GLIPR1L2: variants seen among roughly 807,000 people sequenced by gnomAD.
GLIPR1L2 encodes GLIPR1 like 2.
GLIPR1L2 carries 21 observed loss-of-function variants against 28.4 expected under a neutral mutation model. The observed-to-expected ratio is 0.74, with a 90% CI of 0.52 to 1.06. The LOEUF is 1.06. Ranked by LOEUF, GLIPR1L2 falls within the 50% of genes least tolerant of loss-of-function variation. GLIPR1L2 has a pLI of 0.00. For missense variants in GLIPR1L2, 476 were observed against 416.9 expected (o/e 1.14, Z -1.23); for synonymous variants, 145 against 139.3 (o/e 1.04, Z -0.29).
intron 2 of GLIPR1L2, among the ~76,000 whole-genome samples, chr12:75,411,226 T>C (rs2045863662): frequency 6.6e-6 from 1 of 151,900 alleles, no homozygotes; most frequent in Admixed American, 6.6e-5. Context: ...TATTTATATG[T>C]CTGATACTAC....
At chr12:75,417,326 A>T (rs2045932850) in intron 3 of GLIPR1L2, among the ~76,000 whole-genome samples, 1 of 152,162 alleles carries the variant, frequency 6.6e-6, no homozygotes, top group Admixed American at 6.6e-5. Context: ...TAAGGCCACC[A>T]GAAGCTGGAA....
At chr12:75,400,444 C>G (rs1242874756) in intron 1 of GLIPR1L2, among the ~76,000 whole-genome samples, 1 of 152,114 alleles carries the variant, frequency 6.6e-6, no homozygotes, top group Non-Finnish European at 1.5e-5. Flanking sequence ...ATACTAACAA[C>G]ACAATATCTC....
intron 1 of GLIPR1L2, among the ~76,000 whole-genome samples, chr12:75,400,212 G>T (rs2045724632): frequency 6.6e-6 from 1 of 152,126 alleles, no homozygotes; most frequent in East Asian, 1.9e-4. Flanking sequence ...TCTGCCTCCT[G>T]GGTTCATGCC....
At chr12:75,424,817 G>A (rs1424594457) in intron 4 of GLIPR1L2, among the ~76,000 whole-genome samples, 2 of 152,048 alleles carry the variant, frequency 1.3e-5, no homozygotes, top group Admixed American at 1.3e-4. Flanking sequence ...TTCTGCTCTT[G>A]CTTCACTTGA....
At chr12:75,394,246 A>G (rs1339221494) in intron 1 of GLIPR1L2, among the ~76,000 whole-genome samples, 1 of 152,012 alleles carries the variant, frequency 6.6e-6, no homozygotes, top group Non-Finnish European at 1.5e-5. Flanking sequence ...TCCTTTGATA[A>G]ACAAAAGTTT....
chr12:75,430,061 A>G (rs2046076400), intron 4 of GLIPR1L2, among the ~76,000 whole-genome samples: 1 of 150,204 alleles, frequency 6.7e-6, no homozygotes, highest in Non-Finnish European at 1.5e-5. Flanking sequence ...TCAGCCTCCC[A>G]AGTAGCTGAG....
intron 1 of GLIPR1L2, among the ~76,000 whole-genome samples, chr12:75,401,138 T>A (rs1194228006): frequency 6.6e-6 from 1 of 151,532 alleles, no homozygotes; most frequent in Non-Finnish European, 1.5e-5. Context: ...GAGGGAAAAA[T>A]AGGAAATGAC....
intron 3 of GLIPR1L2, among the ~76,000 whole-genome samples, chr12:75,421,640 A>T (rs1314822448): frequency 1.3e-5 from 2 of 152,082 alleles, no homozygotes; most frequent in African/African-American, 2.4e-5. Context: ...CTTATCCTAG[A>T]TCATTTATTT....
At position 75,431,331 on chromosome 12, in the gene GLIPR1L2, A is replaced by G. The variant is rs2139972797; in HGVS notation, c.*170A>G. ...CTTCTCTCCTATACTTATTCAATCAATTTAAATTTGTAAAACAAAGAAACA... is the reference window on the plus strand; with the variant it reads ...CTTCTCTCCTATACTTATTCAATCAGTTTAAATTTGTAAAACAAAGAAACA... On this transcript the variant is annotated 3_prime_UTR_variant, in exon 6 of 6. Transcript: ENST00000550916. 1 of 482,036 alleles carries G rather than the reference A, an allele frequency of 2.1e-6. No homozygotes were observed. The highest frequency in any genetic ancestry group is 3.6e-6 in the Non-Finnish European group (1 of 276,502). The allele number at this position is 482,036 out of a possible 1,614,324, so 29.9% of individuals were successfully genotyped here.
Position 75,391,116 on chromosome 12 carries a change from C to A in GLIPR1L2, c.-1C>A. ...ACTGGCCTGTCAGCGGCCGGTGGAC[C>A]ATGGAGGCCGCAAGGCCCTTCGCCC... On this transcript the variant is annotated 5_prime_UTR_variant, in exon 1 of 6. Coordinates refer to ENST00000550916, the MANE Select transcript of GLIPR1L2 (RefSeq NM_001270396.2). 3.7e-6 allele frequency: 6 copies of A among 1,609,470 alleles called. No individual in the cohort carries two copies. Among genetic ancestry groups the A allele is most frequent in the Non-Finnish European group, 5.1e-6 (6 of 1,176,702 alleles).
chr12:75,391,708 T>C (rs1433503118), intron 1 of GLIPR1L2: 5 of 411,380 alleles, frequency 1.2e-5, no homozygotes, highest in Non-Finnish European at 2.2e-5. Context: ...TGTTAAAAAA[T>C]TTAACAAAGA....
At chr12:75,426,760 G>A (rs1308535018) in intron 4 of GLIPR1L2, among the ~76,000 whole-genome samples, 1 of 152,142 alleles carries the variant, frequency 6.6e-6, no homozygotes, top group East Asian at 1.9e-4. Flanking sequence ...AAGAGATGGT[G>A]GAATGATGCC....
intron 1 of GLIPR1L2, among the ~76,000 whole-genome samples, chr12:75,403,743 C>T (rs536579799): frequency 6.6e-6 from 1 of 152,046 alleles, no homozygotes; most frequent in Non-Finnish European, 1.5e-5. Context: ...AACCCCCTAC[C>T]TCCTTCATCC....
rs2139972176 is a variant in GLIPR1L2, at chr12:75,431,016, G to A, written c.890G>A (p.Gly297Glu). The A allele has an allele frequency of 2.0e-6, 3 of 1,531,842 alleles. No homozygotes were observed. The highest frequency in any genetic ancestry group is 2.6e-6 in the Non-Finnish European group (3 of 1,143,452). The allele number at this position is 1,531,842 out of a possible 1,614,324, so 94.9% of individuals were successfully genotyped here. Residue 297 changes from glycine to glutamate, a missense_variant, in exon 6 of 6, where the codon GGG becomes GAG. Transcript: ENST00000550916. ...TTTACCCCTGAGGAATCTGAAGCAGGGAATGAAGAGGAGGAAAAAGAGGAA... is the reference window on the plus strand; with the variant it reads ...TTTACCCCTGAGGAATCTGAAGCAGAGAATGAAGAGGAGGAAAAAGAGGAA... Reference protein sequence around the residue: ...MIFTPEESEAGNEEEEKEEEK... With the variant: ...MIFTPEESEAENEEEEKEEEK...
chr12:75,430,986 T>A lies in GLIPR1L2; in HGVS notation c.860T>A (p.Met287Lys), dbSNP rs2046086247. Reference protein sequence around the residue: ...QFPNILLEQQMIFTPEESEAG... With the variant: ...QFPNILLEQQKIFTPEESEAG... ...CCAAATATCTTGTTGGAACAACAAA[T>A]GATATTTACCCCTGAGGAATCTGAA... Residue 287 changes from methionine (M) to lysine (K), a missense_variant, in exon 6 of 6, where the codon ATG (methionine) becomes AAG (lysine). Coordinates refer to ENST00000550916, the MANE Select transcript of GLIPR1L2 (RefSeq NM_001270396.2). The A allele has an allele frequency of 6.5e-7, 1 of 1,534,674 alleles. No individual in the cohort carries two copies. The highest frequency in any genetic ancestry group is 8.7e-7 in the Non-Finnish European group (1 of 1,146,488).
chr12:75,416,007 G>A (rs1388187232), intron 3 of GLIPR1L2, among the ~76,000 whole-genome samples: 2 of 152,040 alleles, frequency 1.3e-5, no homozygotes, highest in Non-Finnish European at 2.9e-5. Flanking sequence ...CCTGAGGAGT[G>A]GAGGATCTTG....
intron 1 of GLIPR1L2, among the ~76,000 whole-genome samples, chr12:75,406,774 AGAGAG>A (rs1386176936): frequency 4.3e-4 from 55 of 128,876 alleles, no homozygotes; most frequent in East Asian, 1.6e-3. Context: ...AAAAAAAAAA[AGAGAG>A]AGAGAGAGAA....
At chr12:75,392,423 T>C (rs1054997173) in intron 1 of GLIPR1L2, among the ~76,000 whole-genome samples, 1 of 152,230 alleles carries the variant, frequency 6.6e-6, no homozygotes, top group African/African-American at 2.4e-5. Flanking sequence ...TGATAGGACA[T>C]ACTTGAGTTC....
At chr12:75,409,059 C>T (rs550591967) in intron 1 of GLIPR1L2, among the ~76,000 whole-genome samples, 8 of 151,886 alleles carry the variant, frequency 5.3e-5, no homozygotes, top group Non-Finnish European at 1.2e-4. Flanking sequence ...TGCATGAGGC[C>T]CAGGACAACT....
Sources: allele counts gnomAD v4.1 joint callset (sites outside exome capture counted in the v4.1 genomes callset), GRCh38; gene constraint gnomAD v4.1.1; transcripts MANE v1.5; gene names NCBI Gene and HGNC (gene_info 2026-07-23, HGNC 2026-07-21).